KMT2A: variants seen among roughly 807,000 people sequenced by gnomAD.
KMT2A encodes the protein lysine methyltransferase 2A.
Under a neutral mutation model 345.3 loss-of-function variants are expected in KMT2A, and 16 were observed. The observed-to-expected ratio is 0.05, with a 90% CI of 0.03 to 0.07. The LOEUF (loss-of-function observed/expected upper bound fraction) is 0.07, where lower values mean the gene tolerates loss of function less well. Among genes scored for constraint, KMT2A ranks in the 10% least tolerant of loss-of-function variants. KMT2A has a pLI of 1.00. For missense variants in KMT2A, 3,272 were observed against 4,841.6 expected, an observed-to-expected ratio of 0.68 and a Z score of 9.62; for synonymous variants, 1,599 against 1,778.6, an observed-to-expected ratio of 0.90 and a Z score of 2.54.
Position 118,436,632 on chromosome 11 carries a change from TC to T in KMT2A, c.126del (p.Pro45ArgfsTer105). 5.2e-6 allele frequency: 6 copies of T among 1,150,928 alleles called. No individual in the cohort carries two copies. The highest frequency in any genetic ancestry group is 5.4e-6 in the Non-Finnish European group (5 of 933,944). The allele number at this position is 1,150,928 out of a possible 1,614,324, so 71.3% of individuals were successfully genotyped here. ...GGCAACGCGTCCCGGCCCTGCTGCT[TC>T]CCCCCGGGCCCCCGGTCGGCGGTGG... ...PRQRVPALLL[P>X]PGPPVGGGGP... On this transcript the variant is annotated frameshift_variant, in exon 1 of 36. Coordinates refer to ENST00000534358, the MANE Select transcript of KMT2A (RefSeq NM_001197104.2). LOFTEE classifies it high-confidence loss of function. The surrounding 1 kb of genome is among the most constrained non-coding windows in gnomAD (Gnocchi z 6.9).
At position 118,502,545 on chromosome 11, in the gene KMT2A, C is replaced by A. The variant is rs782743581; in HGVS notation, c.6653C>A (p.Thr2218Asn). 1.9e-6 allele frequency: 3 copies of A among 1,614,126 alleles called. No homozygotes were observed. Among genetic ancestry groups the A allele is most frequent in the South Asian group, 1.1e-5 (1 of 91,082 alleles). The change falls in exon 27 of 36, where the codon ACT becomes AAT. Residue 2218 changes from threonine (T) to asparagine (N), a missense_variant. Coordinates refer to ENST00000534358, the MANE Select transcript of KMT2A (RefSeq NM_001197104.2). This position sits in a 1 kb window ranked among gnomAD's most constrained non-coding sequence, Gnocchi z 4.9. Reference protein sequence around the residue: ...SKLRIMSPMRTGNTYSRNNVS... With the variant: ...SKLRIMSPMRNGNTYSRNNVS... ...CTCCGGATAATGTCTCCAATGAGAA[C>A]TGGGAATACTTACTCTAGGAATAAT... is the stretch of plus-strand genomic sequence containing the variant.
Position 118,473,134 on chromosome 11 carries a change from G to A in KMT2A, c.1975G>A (p.Glu659Lys), listed in dbSNP as rs374545538. 7 of 1,613,942 alleles carry A rather than the reference G, an allele frequency of 4.3e-6. No individual in the cohort carries two copies. The highest frequency in any genetic ancestry group is 2.2e-5 in the South Asian group (2 of 91,088). Residue 659 changes from glutamate (E) to lysine (K), a missense_variant, in exon 3 of 36, where the codon GAG becomes AAG. By Grantham distance (56) the Glu-to-Lys change is moderately conservative (BLOSUM62 1). This residue lies in a region of KMT2A where 114 missense variants were observed against 203.2 expected (regional missense o/e 0.56). Coordinates refer to ENST00000534358, the MANE Select transcript of KMT2A (RefSeq NM_001197104.2). The surrounding 1 kb of genome is among the most constrained non-coding windows in gnomAD (Gnocchi z 5.2). ...DNFRPPPLTP[E>K]DVGFASGFSA... ...TTTCCGACCCCCTCCACTAACTCCC[G>A]AGGACGTTGGCTTTGCATCTGGTTT...
At position 118,522,648 on chromosome 11, in the gene KMT2A, C is replaced by T. The variant is rs954373362; in HGVS notation, c.*476C>T. ...GCCAGGCCCCACCTACAGCGTCTGT[C>T]GAACAAACAGAGGTCTGGTGGTTTT... On this transcript the variant is annotated 3_prime_UTR_variant, in exon 36 of 36. Transcript: ENST00000534358. The surrounding 1 kb of genome is among the most constrained non-coding windows in gnomAD (Gnocchi z 5.4). The T allele has an allele frequency of 8.9e-6, 2 of 224,894 alleles. No homozygotes were observed. The highest frequency in any genetic ancestry group is 1.8e-5 in the Non-Finnish European group (2 of 111,766). The allele number at this position is 224,894 out of a possible 1,614,324, so 13.9% of individuals were successfully genotyped here. A position where few individuals can be genotyped will look rare whatever the true frequency, so the allele number is the denominator to read the frequency against.
Position 118,496,994 on chromosome 11 carries a change from T to C in KMT2A, c.5664+627T>C, listed in dbSNP as rs1404479532. 6.6e-6 allele frequency among the ~76,000 whole-genome samples: 1 copy of C among 152,156 alleles called. No individual in the cohort carries two copies. Among genetic ancestry groups the C allele is most frequent in the Non-Finnish European group, 1.5e-5 (1 of 68,042 alleles). ...TTTTTGTTTTGTTTTGTTTTGTTTT[T>C]TTGAGCGGAGTTTCGCTCTTGTTGC... On this transcript the variant is annotated intron_variant, in intron 20 of 35. Transcript: ENST00000534358. The surrounding 1 kb of genome is among the most constrained non-coding windows in gnomAD (Gnocchi z 4.7).
chr11:118,486,914 TAAG>T (rs1950240470), intron 10 of KMT2A, among the ~76,000 whole-genome samples: 1 of 152,010 alleles, frequency 6.6e-6, no homozygotes, highest in African/African-American at 2.4e-5. Flanking sequence ...ATTTAAAAAA[TAAG>T]AAAATCCAAG....
chr11:118,479,467 A>C (rs1555038620), intron 5 of KMT2A, among the ~76,000 whole-genome samples: 1 of 152,258 alleles, frequency 6.6e-6, no homozygotes, highest in African/African-American at 2.4e-5. Context: ...AATATAAAGA[A>C]CAGTTGGGAG....
At position 118,495,574 on chromosome 11, in the gene KMT2A, G is replaced by C; in HGVS notation, c.5364-126G>C. ...TACTTCAGCAATTTTCAAACGCTGT[G>C]ACTTGTTCTTATATTCTGTGAATGG... On this transcript the variant is annotated intron_variant, in intron 18 of 35. Coordinates refer to ENST00000534358, the MANE Select transcript of KMT2A (RefSeq NM_001197104.2). The surrounding 1 kb of genome is among the most constrained non-coding windows in gnomAD (Gnocchi z 4.1). The C allele has an allele frequency of 1.6e-6, 1 of 619,228 alleles. No homozygotes were observed. The highest frequency in any genetic ancestry group is 3.1e-5 in the East Asian group (1 of 32,612). The allele number at this position is 619,228 out of a possible 1,614,324, so 38.4% of individuals were successfully genotyped here.
chr11:118,438,406 A>G (rs1193683077), intron 1 of KMT2A, among the ~76,000 whole-genome samples: 6 of 138,956 alleles, frequency 4.3e-5, no homozygotes, highest in African/African-American at 1.6e-4. Flanking sequence ...TTTGTTTTCC[A>G]TTGGATGCAG....
Position 118,506,106 on chromosome 11 carries a change from G to A in KMT2A, c.10214G>A (p.Ser3405Asn), listed in dbSNP as rs1950577704. The change falls in exon 27 of 36, where the codon AGT (serine) becomes AAT (asparagine). Residue 3405 changes from serine to asparagine, a missense_variant. Physicochemically the swap from Ser to Asn is conservative, Grantham distance 46. Transcript: ENST00000534358. ...GACCAGCCTGTGGCTTTACCGCCAA[G>A]TTCAGGAATGTTTCCACAACTGGGG... ...IQDQPVALPP[S>N]SGMFPQLGTS... The A allele has an allele frequency of 1.2e-6, 2 of 1,614,076 alleles. No individual in the cohort carries two copies. Among genetic ancestry groups the A allele is most frequent in the African/African-American group, 2.7e-5 (2 of 74,902 alleles).
At chr11:118,454,738 C>T (rs776154752) in intron 1 of KMT2A, among the ~76,000 whole-genome samples, 4 of 152,188 alleles carry the variant, frequency 2.6e-5, no homozygotes, top group East Asian at 1.9e-4. Context: ...AACAACTGAA[C>T]GTGGCCATGT....
intron 2 of KMT2A, among the ~76,000 whole-genome samples, chr11:118,470,038 A>G (rs1555035093): frequency 1.3e-5 from 2 of 152,216 alleles, no homozygotes; most frequent in Non-Finnish European, 2.9e-5. Context: ...AGATGAAAAA[A>G]TGAGGTCCAT....
In KMT2A at chr11:118,497,852, A is replaced by G. The variant is rs1950434421; in HGVS notation, c.5665-84A>G. On this transcript the variant is annotated intron_variant, in intron 20 of 35. Transcript: ENST00000534358. This position sits in a 1 kb window ranked among gnomAD's most constrained non-coding sequence, Gnocchi z 4.8. ...GAATTATAGTTGCTTTCTTGAGGTT[A>G]TCTTCACTGGAAAAGCTAATGCCGA... 10 of 1,047,950 alleles carry G rather than the reference A, an allele frequency of 9.5e-6. No individual in the cohort carries two copies. In the East Asian group the frequency reaches 2.4e-4, roughly 25 times the overall value. 64.9% of individuals were successfully genotyped at this position (1,047,950 alleles called of 1,614,324 possible). A position where few individuals can be genotyped will look rare whatever the true frequency, so the allele number is the denominator to read the frequency against.
In KMT2A at chr11:118,503,096, G is replaced by A. The variant is rs370812470; in HGVS notation, c.7204G>A (p.Val2402Ile). ...ANSSPDEDTE[V>I]KTLKLSGMSN... is the part of the protein sequence containing the mutation. ...CTCCTCTCCAGATGAAGATACTGAA[G>A]TCAAAACCTTGAAGCTATCTGGAAT... Residue 2402 changes from valine (V) to isoleucine (I), a missense_variant, in exon 27 of 36, where the codon GTC becomes ATC. By Grantham distance (29) the Val-to-Ile change is conservative. Coordinates refer to ENST00000534358, the MANE Select transcript of KMT2A (RefSeq NM_001197104.2). The surrounding 1 kb of genome is among the most constrained non-coding windows in gnomAD (Gnocchi z 5.3). 1 of 1,613,000 alleles carries A rather than the reference G, an allele frequency of 6.2e-7. No individual in the cohort carries two copies. Among genetic ancestry groups the A allele is most frequent in the South Asian group, 1.1e-5 (1 of 91,060 alleles).
rs1949966362 is a variant in KMT2A, at chr11:118,472,768, A to C, written c.1609A>C (p.Ser537Arg). 5 of 1,613,728 alleles carry C rather than the reference A, an allele frequency of 3.1e-6. No homozygotes were observed. The highest frequency in any genetic ancestry group is 3.4e-6 in the Non-Finnish European group (4 of 1,179,968). ...RSRRYSVSER[S>R]FGSRTTKKLS... ...CAGAAGGTATTCAGTGTCGGAGAGAAGTTTTGGATCTAGAACGACGAAAAA... is the reference window on the plus strand; with the variant it reads ...CAGAAGGTATTCAGTGTCGGAGAGACGTTTTGGATCTAGAACGACGAAAAA... The change falls in exon 3 of 36, where the codon AGT becomes CGT. Residue 537 changes from serine (S) to arginine (R), a missense_variant. By Grantham distance (110) the Ser-to-Arg change is moderately radical. Around this residue, in one of 27 missense-constraint regions of KMT2A, gnomAD observed 180 missense variants for 190.7 expected, o/e 0.94. Coordinates refer to ENST00000534358, the MANE Select transcript of KMT2A (RefSeq NM_001197104.2).
At chr11:118,474,346 AAC>A in intron 3 of KMT2A, 31 bp downstream of exon 3, 1 of 1,598,346 alleles carries the variant, frequency 6.3e-7, no homozygotes, top group Non-Finnish European at 8.5e-7. Context: ...TATTAAAACT[AAC>A]AGTTTATTGA....
Position 118,474,181 on chromosome 11 carries a change from T to A in KMT2A, c.3022T>A (p.Ser1008Thr), listed in dbSNP as rs781884348. The A allele has an allele frequency of 1.9e-6, 3 of 1,614,160 alleles. No homozygotes were observed. The South Asian group carries it at 3.3e-5, about 18-fold the overall frequency. The change falls in exon 3 of 36, where the codon TCC (serine) becomes ACC (threonine). Residue 1008 changes from serine (S) to threonine (T), a missense_variant. This residue lies in a region of KMT2A where 39 missense variants were observed against 88.9 expected (regional missense o/e 0.44). Coordinates refer to ENST00000534358, the MANE Select transcript of KMT2A (RefSeq NM_001197104.2). ...TAAACATTCCACTTCCTCCATAGGC[T>A]CCATGTTGGCTCAGGCAGACAAGCT... is the stretch of plus-strand genomic sequence containing the variant. ...TVKHSTSSIG[S>T]MLAQADKLPM...
intron 5 of KMT2A, among the ~76,000 whole-genome samples, chr11:118,478,557 A>C (rs1170159438): frequency 5.3e-5 from 8 of 152,228 alleles, no homozygotes; most frequent in African/African-American, 1.4e-4. Flanking sequence ...AACTTTAGCC[A>C]TGTGTAACTA....
chr11:118,511,057 G>C (rs1471101901), intron 30 of KMT2A, among the ~76,000 whole-genome samples: 1 of 152,156 alleles, frequency 6.6e-6, no homozygotes, highest in African/African-American at 2.4e-5. Flanking sequence ...AGGTTTTAGA[G>C]GGCTTTCAGT....
chr11:118,483,795 GC>G (rs1205167422), intron 8 of KMT2A, among the ~76,000 whole-genome samples: 1 of 152,138 alleles, frequency 6.6e-6, no homozygotes, highest in Non-Finnish European at 1.5e-5. Flanking sequence ...ACTTTGGGGG[GC>G]CAAGGCGGGA....
Sources: gnomAD v4.1 joint callset for allele counts (sites outside exome capture counted in the v4.1 genomes callset) on GRCh38, gnomAD v4.1.1 for gene constraint, gnomAD v4.1.1 regional missense constraint, Gnocchi (gnomAD v3.1) non-coding constraint, MANE v1.5 for transcripts, NCBI Gene and HGNC (gene_info 2026-07-23, HGNC 2026-07-21) for gene names.